The following PLCE1 variants were observed in gnomAD, a reference collection of about 807,000 sequenced individuals.
PLCE1 encodes the protein 1-phosphatidylinositol 4,5-bisphosphate phosphodiesterase epsilon-1.
In PLCE1, 119 loss-of-function variants were observed where a neutral mutation model predicts 242.8. The observed-to-expected ratio is 0.49, with a 90% CI of 0.42 to 0.57. The LOEUF is 0.57. Ranked by LOEUF, PLCE1 falls within the 20% of genes least tolerant of loss-of-function variation. The probability of loss-of-function intolerance (pLI) is 0.00; values close to 1 mark genes in which losing one functional copy is unlikely to be tolerated. For missense variants in PLCE1, 2,441 were observed against 2,788.8 expected, an observed-to-expected ratio of 0.88 and a Z score of 2.81; for synonymous variants, 945 against 1,017.4, an observed-to-expected ratio of 0.93 and a Z score of 1.35.
At chr10:94,027,260 A>T (rs2061466173) in intron 1 of PLCE1, among the ~76,000 whole-genome samples, 1 of 152,206 alleles carries the variant, frequency 6.6e-6, no homozygotes, top group African/African-American at 2.4e-5. Context: ...AATGCAGATT[A>T]TAGCTCTATT....
intron 4 of PLCE1, 151 bp from the exon 5 acceptor site, chr10:94,227,155 G>A (rs2049973896): frequency 1.4e-6 from 1 of 704,522 alleles, no homozygotes; most frequent in Non-Finnish European, 2.5e-6. Flanking sequence ...GGGATTACAG[G>A]CGTGAACCAC....
Position 94,246,198 on chromosome 10 carries a change from G to T in PLCE1, c.2673G>T (p.Leu891Phe). The T allele has an allele frequency of 6.2e-7, 1 of 1,614,076 alleles. No homozygotes were observed. ...AGCTTCAGCCCGACAATAGCACCTT[G>T]ACCTGGGTAAAGCCCACAACTGCCT... ...FLQLQPDNST[L>F]TWVKPTTASP... Residue 891 changes from leucine (L) to phenylalanine (F), a missense_variant, in exon 8 of 33, where the codon TTG (leucine) becomes TTT (phenylalanine). Coordinates refer to ENST00000371380, the MANE Select transcript of PLCE1 (RefSeq NM_016341.4).
chr10:94,259,191 G>A (rs771360894), intron 13 of PLCE1, 41 bp downstream of exon 13: 4 of 1,606,734 alleles, frequency 2.5e-6, no homozygotes, highest in Middle Eastern at 1.7e-4. Flanking sequence ...GGATCAATCT[G>A]TCTAAAACTT....
At chr10:94,025,606 T>C (rs1466315624) in intron 1 of PLCE1, among the ~76,000 whole-genome samples, 4 of 152,182 alleles carry the variant, frequency 2.6e-5, no homozygotes, top group Admixed American at 2.6e-4. Context: ...TCTGTTTAAA[T>C]CTATCAGTAA....
chr10:94,221,865 T>C (rs1014058550), intron 4 of PLCE1, among the ~76,000 whole-genome samples: 2 of 152,218 alleles, frequency 1.3e-5, no homozygotes, highest in African/African-American at 2.4e-5. Context: ...CAAATGATCA[T>C]CTCTTTGAAA....
intron 4 of PLCE1, among the ~76,000 whole-genome samples, chr10:94,212,156 G>A (rs1288363555): frequency 4.6e-5 from 7 of 152,208 alleles, no homozygotes; most frequent in African/African-American, 1.2e-4. Flanking sequence ...GCGTGATCTC[G>A]GCTCACTGCA....
chr10:94,173,282 C>A (rs2048037407), intron 4 of PLCE1, among the ~76,000 whole-genome samples: 1 of 152,168 alleles, frequency 6.6e-6, no homozygotes, highest in Admixed American at 6.5e-5. Flanking sequence ...CTGCAGATTC[C>A]TGGTCCCACC....
chr10:94,000,075 G>A (rs2060904872), intron 1 of PLCE1, among the ~76,000 whole-genome samples: 1 of 152,152 alleles, frequency 6.6e-6, no homozygotes, highest in Non-Finnish European at 1.5e-5. Context: ...GCTGAGGAAT[G>A]AAGATCTCTA....
intron 1 of PLCE1, among the ~76,000 whole-genome samples, chr10:94,003,790 G>A (rs909723001): frequency 2.0e-5 from 3 of 152,104 alleles, no homozygotes; most frequent in African/African-American, 7.2e-5. Flanking sequence ...AAGAAGTTTT[G>A]GTGTTAAATC....
chr10:94,175,004 C>G lies in PLCE1; in HGVS notation c.1809+3508C>G, dbSNP rs142775854. Among the ~76,000 whole-genome samples, 7 of 152,226 alleles carry G rather than the reference C, an allele frequency of 4.6e-5. No homozygotes were observed. The East Asian group carries it at 1.4e-3, about 29-fold the overall frequency. On this transcript the variant is annotated intron_variant, in intron 4 of 32. Coordinates refer to ENST00000371380, the MANE Select transcript of PLCE1 (RefSeq NM_016341.4). ...GCTGAGTGAAGGGTGTACAAGAACT[C>G]TCTGTACTGTCTTTTGCAACTTTTC...
At chr10:94,243,324 C>T (rs937255760) in intron 7 of PLCE1, among the ~76,000 whole-genome samples, 2 of 152,198 alleles carry the variant, frequency 1.3e-5, no homozygotes, top group African/African-American at 4.8e-5. Flanking sequence ...CTCCTCCAAA[C>T]TGTCAAGAGC....
intron 2 of PLCE1, among the ~76,000 whole-genome samples, chr10:94,035,157 G>T (rs77011509): frequency 0.011 from 1,683 of 152,284 alleles, 34 homozygotes; most frequent in African/African-American, 0.037. Context: ...TGTCATCTTA[G>T]TTAAAAATGC....
intron 8 of PLCE1, among the ~76,000 whole-genome samples, chr10:94,246,865 A>T (rs1197690591): frequency 2.0e-5 from 3 of 152,070 alleles, no homozygotes; most frequent in African/African-American, 7.2e-5. Flanking sequence ...TAATCCCAGC[A>T]CTCTGGGAGG....
chr10:94,137,936 C>T, intron 3 of PLCE1: 1 of 389,142 alleles, frequency 2.6e-6, no homozygotes, highest in Non-Finnish European at 5.1e-6. Flanking sequence ...GACCAAGTAC[C>T]ACAGTGATGA....
At chr10:94,221,630 G>C (rs1220381568) in intron 4 of PLCE1, among the ~76,000 whole-genome samples, 1 of 152,156 alleles carries the variant, frequency 6.6e-6, no homozygotes, top group East Asian at 1.9e-4. Flanking sequence ...AGCTACTTGG[G>C]AGGCTGAGGC....
At chr10:94,211,445 TTC>T (rs1440058111) in intron 4 of PLCE1, among the ~76,000 whole-genome samples, 3 of 152,258 alleles carry the variant, frequency 2.0e-5, no homozygotes, top group South Asian at 4.1e-4. Flanking sequence ...ACATCTCTGA[TTC>T]TCTGTTTCTT....
intron 9 of PLCE1, 75 bp downstream of exon 9, chr10:94,252,573 A>C (rs2050918154): frequency 1.5e-6 from 2 of 1,290,364 alleles, no homozygotes; most frequent in African/African-American, 2.9e-5. Context: ...ACCATAAAAC[A>C]CTTAAGGTTG....
intron 7 of PLCE1, among the ~76,000 whole-genome samples, chr10:94,239,382 A>G (rs920415479): frequency 1.2e-4 from 19 of 152,258 alleles, no homozygotes; most frequent in Admixed American, 3.9e-4. Context: ...TCCTGCGTTC[A>G]TTCTTTTTCC....
intron 30 of PLCE1, 73 bp from the exon 31 acceptor site, chr10:94,324,276 A>C (rs2053929442): frequency 1.6e-6 from 2 of 1,220,872 alleles, no homozygotes; most frequent in Non-Finnish European, 2.4e-6. Flanking sequence ...TCCACCTTAA[A>C]GTTTCATATA....
Sources: allele counts gnomAD v4.1 joint callset (sites outside exome capture counted in the v4.1 genomes callset), GRCh38; gene constraint gnomAD v4.1.1; transcripts MANE v1.5; gene names NCBI Gene and HGNC (gene_info 2026-07-23, HGNC 2026-07-21).